The following IRF2 variants were observed in gnomAD, a reference collection of about 807,000 sequenced individuals.
IRF2 encodes the protein interferon regulatory factor 2.
IRF2 carries 15 observed loss-of-function variants against 40.6 expected under a neutral mutation model. The ratio of observed to expected loss-of-function variants is 0.37; its 90% CI spans 0.25 to 0.57. The LOEUF (loss-of-function observed/expected upper bound fraction) is 0.57. Ranked by LOEUF, IRF2 falls within the 20% of genes least tolerant of loss-of-function variation. IRF2 has a pLI of 0.77. For synonymous variants in IRF2, 151 were observed against 165.5 expected, an observed-to-expected ratio of 0.91 and a Z score of 0.67; for missense variants, 317 against 455.7, an observed-to-expected ratio of 0.70 and a Z score of 2.77.
At chr4:184,420,192 C>T (rs1737432650) in intron 2 of IRF2, among the ~76,000 whole-genome samples, 1 of 152,102 alleles carries the variant, frequency 6.6e-6, no homozygotes, top group Admixed American at 6.6e-5. Flanking sequence ...TTTATAAAAC[C>T]ACAGAAAAAT....
At chr4:184,437,408 C>T (rs987863314) in intron 1 of IRF2, among the ~76,000 whole-genome samples, 3 of 151,972 alleles carry the variant, frequency 2.0e-5, no homozygotes, top group Admixed American at 6.6e-5. Context: ...CTATGTTGCC[C>T]GGGTTGGTTT....
At chr4:184,422,811 G>A (rs1561101661) in intron 2 of IRF2, among the ~76,000 whole-genome samples, 1 of 152,180 alleles carries the variant, frequency 6.6e-6, no homozygotes, top group African/African-American at 2.4e-5. Flanking sequence ...AGGGGGGAGG[G>A]AAATGGGAAG....
chr4:184,420,775 C>T (rs920647462), intron 2 of IRF2, among the ~76,000 whole-genome samples: 8 of 152,338 alleles, frequency 5.3e-5, no homozygotes, highest in Middle Eastern at 3.4e-3. Flanking sequence ...CTTCCTCCCA[C>T]AGCCTACTGA....
At chr4:184,436,164 A>G (rs1449152395) in intron 1 of IRF2, among the ~76,000 whole-genome samples, 1 of 152,038 alleles carries the variant, frequency 6.6e-6, no homozygotes, top group Non-Finnish European at 1.5e-5. Context: ...CTCAGTAGAG[A>G]CAGGGTTTCA....
intron 1 of IRF2, among the ~76,000 whole-genome samples, chr4:184,438,882 G>A (rs918232566): frequency 1.3e-5 from 2 of 152,080 alleles, no homozygotes; most frequent in South Asian, 2.1e-4. Flanking sequence ...CTTCCTATGC[G>A]GCCACGCTTC....
intron 1 of IRF2, among the ~76,000 whole-genome samples, chr4:184,452,354 A>T (rs1039848345): frequency 6.6e-6 from 1 of 152,216 alleles, no homozygotes; most frequent in Admixed American, 6.5e-5. Context: ...TACCTGATGA[A>T]TCAAGAAGCA....
chr4:184,469,305 G>A (rs1023069211), intron 1 of IRF2, among the ~76,000 whole-genome samples: 6 of 152,172 alleles, frequency 3.9e-5, no homozygotes, highest in Non-Finnish European at 8.8e-5. Context: ...AATGAGTTCA[G>A]TGAGATTTGA....
chr4:184,462,544 G>A (rs1033185935), intron 1 of IRF2, among the ~76,000 whole-genome samples: 3 of 152,146 alleles, frequency 2.0e-5, no homozygotes, highest in Admixed American at 2.0e-4. Context: ...CAAAGTTATT[G>A]TTAACAAAGA....
chr4:184,419,572 A>T lies in IRF2; in HGVS notation c.88-4T>A. The stretch of plus-strand genomic sequence containing the variant: ...GGATCTGAAAAATCTTCTTTTCCTG[A>T]AAAAAAAAAAAAAAAAAAAGGTAAA... On this transcript the variant is annotated splice_polypyrimidine_tract_variant and splice_region_variant and intron_variant, in intron 2 of 8. Coordinates refer to ENST00000393593, the MANE Select transcript of IRF2 (RefSeq NM_002199.4). 1.8e-4 allele frequency: 70 copies of T among 397,426 alleles called. No individual in the cohort carries two copies. Among genetic ancestry groups the T allele is most frequent in the East Asian group, 6.7e-4 (5 of 7,420 alleles). The allele number at this position is 397,426 out of a possible 1,614,324, so 24.6% of individuals were successfully genotyped here. A position where few individuals can be genotyped will look rare whatever the true frequency, so the allele number is the denominator to read the frequency against.
intron 1 of IRF2, among the ~76,000 whole-genome samples, chr4:184,469,873 T>C (rs1202357440): frequency 1.3e-5 from 2 of 152,164 alleles, no homozygotes; most frequent in Non-Finnish European, 2.9e-5. Context: ...AGGGGACCTG[T>C]GAGCTGTGTT....
chr4:184,431,597 A>AGCG (rs3044558), intron 1 of IRF2, among the ~76,000 whole-genome samples: 67,675 of 151,660 alleles, frequency 0.45, 15,458 homozygotes, highest in East Asian at 0.57. Flanking sequence ...CTAAATCCAG[A>AGCG]GCGGTCAAGA....
rs1325565697 is a variant in IRF2, at chr4:184,413,383, T to G, written c.411+4784A>C. The stretch of plus-strand genomic sequence containing the variant: ...GGATCCCGGGCAGGCAGAATAAGCC[T>G]GATAACCTGCTTCACCCAGGGCATC... On this transcript the variant is annotated intron_variant, in intron 5 of 8. Transcript: ENST00000393593. This position sits in a 1 kb window ranked among gnomAD's most constrained non-coding sequence, Gnocchi z 4.2. 1.3e-5 allele frequency among the ~76,000 whole-genome samples: 2 copies of G among 152,236 alleles called. No individual in the cohort carries two copies. The highest frequency in any genetic ancestry group is 2.9e-5 in the Non-Finnish European group (2 of 68,026).
In IRF2 at chr4:184,445,789, T is replaced by C. The variant is rs977364781; in HGVS notation, c.-6-16719A>G. Among the ~76,000 whole-genome samples the C allele has an allele frequency of 4.7e-4, 71 of 152,330 alleles. 1 individual carries two copies. The highest frequency in any genetic ancestry group is 4.1e-3 in the Admixed American group (63 of 15,302). ...TGATTTACTCCAAAAGCCCATTTGA[T>C]GCAACGCAGCAAAGAAGATGTACTG... On this transcript the variant is annotated intron_variant, in intron 1 of 8. Coordinates refer to ENST00000393593, the MANE Select transcript of IRF2 (RefSeq NM_002199.4).
At chr4:184,447,708 C>T (rs1178024337) in intron 1 of IRF2, among the ~76,000 whole-genome samples, 1 of 152,206 alleles carries the variant, frequency 6.6e-6, no homozygotes, top group Non-Finnish European at 1.5e-5. Flanking sequence ...AAAGTCTCAC[C>T]GCCGTGATAT....
At chr4:184,423,120 C>G (rs888372804) in intron 2 of IRF2, among the ~76,000 whole-genome samples, 5 of 152,190 alleles carry the variant, frequency 3.3e-5, no homozygotes, top group African/African-American at 1.2e-4. Flanking sequence ...AGTAAACATT[C>G]TGGTCACAAG....
At chr4:184,409,230 G>A (rs2149896869) in intron 5 of IRF2, among the ~76,000 whole-genome samples, 1 of 152,282 alleles carries the variant, frequency 6.6e-6, no homozygotes, top group South Asian at 2.1e-4. Flanking sequence ...AAGTAGACGT[G>A]ACTGTGCTTG....
intron 1 of IRF2, chr4:184,471,988 C>T (rs1561134838): frequency 6.6e-6 from 1 of 152,204 alleles, no homozygotes; most frequent in African/African-American, 2.4e-5. Context: ...GACAAGAACT[C>T]TTGGATCTAA....
chr4:184,458,304 T>C lies in IRF2; in HGVS notation c.-7+16075A>G, dbSNP rs981744474. Among the ~76,000 whole-genome samples, 100 of 152,242 alleles carry C rather than the reference T, an allele frequency of 6.6e-4. 3 individuals carry two copies. The highest frequency in any genetic ancestry group is 2.3e-3 in the African/African-American group (97 of 41,474). ...TCCATGAAGCCCATCTTTCGTTCTT[T>C]TCATGACCAGGAATGGTTATTTACC... On this transcript the variant is annotated intron_variant, in intron 1 of 8. Transcript: ENST00000393593.
chr4:184,389,118 C>T (rs747797855), intron 8 of IRF2, 52 bp from the exon 9 acceptor site: 9 of 1,576,400 alleles, frequency 5.7e-6, no homozygotes, highest in Non-Finnish European at 7.8e-6. Flanking sequence ...TATTGGATGG[C>T]TTTTTAAAAA....
Sources: allele counts gnomAD v4.1 joint callset (sites outside exome capture counted in the v4.1 genomes callset), GRCh38; gene constraint gnomAD v4.1.1; non-coding constraint Gnocchi (gnomAD v3.1); transcripts MANE v1.5; gene names NCBI Gene and HGNC (gene_info 2026-07-23, HGNC 2026-07-21).